The following LMF1 variants were observed in gnomAD, a reference collection of about 807,000 sequenced individuals.
LMF1 encodes transmembrane protein 112.
LMF1 carries 68 observed loss-of-function variants against 60.6 expected under a neutral mutation model. The observed-to-expected ratio is 1.12, with a 90% CI of 0.92 to 1.37. The LOEUF (loss-of-function observed/expected upper bound fraction) is 1.37. Among genes scored for constraint, LMF1 ranks in the 40% most tolerant of loss-of-function variants. The pLI, the probability that LMF1 is intolerant of heterozygous loss-of-function variation, is 0.00. For missense variants in LMF1, 948 were observed against 767.2 expected, an observed-to-expected ratio of 1.24 and a Z score of -2.78; for synonymous variants, 418 against 324.7, an observed-to-expected ratio of 1.29 and a Z score of -3.09.
In LMF1 at chr16:954,415, G is replaced by A. The variant is rs755942630; in HGVS notation, c.445C>T (p.Leu149Phe). 4 of 1,613,092 alleles carry A rather than the reference G, an allele frequency of 2.5e-6. No homozygotes were observed. The highest frequency in any genetic ancestry group is 1.3e-5 in the African/African-American group (1 of 75,044). Residue 149 changes from leucine to phenylalanine, a missense_variant, in exon 2 of 11, where the codon CTT becomes TTT. Transcript: ENST00000262301. ...FVLITGCANMLLMAALWGLYM... is the reference protein window; with the variant it reads ...FVLITGCANMFLMAALWGLYM... ...AGGCCCCACAGGGCAGCCATGAGAA[G>A]CATGTTGGCGCAGCCCGTGATCAGT...
chr16:868,011 T>C (rs1045599421), intron 10 of LMF1, among the ~76,000 whole-genome samples: 1 of 152,078 alleles, frequency 6.6e-6, no homozygotes, highest in Non-Finnish European at 1.5e-5. Flanking sequence ...AATCCAGAGC[T>C]GTGTTTTCCG....
intron 6 of LMF1, among the ~76,000 whole-genome samples, chr16:876,145 AAC>A (rs1456215651): frequency 6.6e-6 from 1 of 152,228 alleles, no homozygotes; most frequent in African/African-American, 2.4e-5. Context: ...TGAGTGGAGA[AAC>A]AAACCGGGGC....
chr16:874,108 G>A lies in LMF1; in HGVS notation c.898-2767C>T, dbSNP rs946239135. On this transcript the variant is annotated intron_variant, in intron 6 of 10. Coordinates refer to ENST00000262301, the MANE Select transcript of LMF1 (RefSeq NM_022773.4). The surrounding 1 kb of genome is among the most constrained non-coding windows in gnomAD (Gnocchi z 4.1). ...GGAAGTTCTGGAACCAGGCGGAGGC[G>A]GCGGTTGCATCACGCTGTGAACGTG... 4.6e-5 allele frequency among the ~76,000 whole-genome samples: 7 copies of A among 152,198 alleles called. No homozygotes were observed. Among genetic ancestry groups the A allele is most frequent in the East Asian group, 1.9e-4 (1 of 5,194 alleles).
chr16:890,957 T>C (rs1286098044), intron 5 of LMF1, among the ~76,000 whole-genome samples: 1 of 152,156 alleles, frequency 6.6e-6, no homozygotes, highest in Non-Finnish European at 1.5e-5. Context: ...GCCCACCCTG[T>C]CCACCGTCTC....
At chr16:948,104 AGT>A (rs2072294710) in intron 2 of LMF1, among the ~76,000 whole-genome samples, 6 of 151,820 alleles carry the variant, frequency 4.0e-5, no homozygotes, top group South Asian at 2.1e-4. Context: ...CCAACGACAG[AGT>A]CAGCCAACGA....
At chr16:903,990 G>A (rs372229777) in intron 4 of LMF1, 7 of 173,758 alleles carry the variant, frequency 4.0e-5, no homozygotes, top group African/African-American at 2.3e-4. Flanking sequence ...CCCACAGGAC[G>A]CCTGTCTCTG....
At chr16:890,629 C>T (rs1393985517) in intron 5 of LMF1, among the ~76,000 whole-genome samples, 1 of 152,228 alleles carries the variant, frequency 6.6e-6, no homozygotes, top group Non-Finnish European at 1.5e-5. Flanking sequence ...AGCCACAATC[C>T]AACCTCCCAG....
intron 10 of LMF1, among the ~76,000 whole-genome samples, chr16:859,218 G>A (rs1253866860): frequency 2.3e-5 from 3 of 132,178 alleles, no homozygotes; most frequent in Non-Finnish European, 4.6e-5. Context: ...CTCGGGACGG[G>A]TGTGCAGTGG....
intron 1 of LMF1, among the ~76,000 whole-genome samples, chr16:965,621 G>A (rs2072907963): frequency 6.6e-6 from 1 of 152,288 alleles, no homozygotes; most frequent in South Asian, 2.1e-4. Flanking sequence ...AGAGATCCGG[G>A]CAAGTTGGTC....
chr16:871,194 C>T lies in LMF1; in HGVS notation c.1045G>A (p.Asp349Asn), dbSNP rs377670067. The change falls in exon 7 of 11, where the codon GAC becomes AAC. Residue 349 changes from aspartate (D) to asparagine (N), a missense_variant. Transcript: ENST00000262301. The stretch of plus-strand genomic sequence containing the variant: ...GGCTCGGGCCGGGCCCCTCGGATGT[C>T]CCTCTGCATCTGCAGAACTCGGTCC... ...LKDRVLQMQR[D>N]IRGARPEPRF... The T allele has an allele frequency of 3.1e-6, 5 of 1,609,398 alleles. No individual in the cohort carries two copies. In the Admixed American group the frequency reaches 6.7e-5, roughly 22 times the overall value.
intron 10 of LMF1, among the ~76,000 whole-genome samples, chr16:860,072 G>GTC (rs2069410851): frequency 6.6e-6 from 1 of 152,116 alleles, no homozygotes; most frequent in African/African-American, 2.4e-5. Flanking sequence ...AAACGTCTCT[G>GTC]TGCTCATTTT....
At chr16:916,471 G>A (rs2071281168) in intron 3 of LMF1, among the ~76,000 whole-genome samples, 1 of 152,218 alleles carries the variant, frequency 6.6e-6, no homozygotes, top group Non-Finnish European at 1.5e-5. Context: ...AAGCTGAAAA[G>A]TTATGAAATA....
At chr16:918,443 G>C (rs574149242) in intron 3 of LMF1, among the ~76,000 whole-genome samples, 1 of 152,234 alleles carries the variant, frequency 6.6e-6, no homozygotes, top group Non-Finnish European at 1.5e-5. Context: ...ACGGAAATTA[G>C]ACTTCGCGGC....
In LMF1 at chr16:970,869, C is replaced by A; in HGVS notation, c.112G>T (p.Ala38Ser). The A allele has an allele frequency of 6.4e-7, 1 of 1,565,288 alleles. No individual in the cohort carries two copies. Among genetic ancestry groups the A allele is most frequent in the Non-Finnish European group, 8.6e-7 (1 of 1,157,454 alleles). Reference protein sequence around the residue: ...ESPPAPGRGPAGSPAHLHTGT... With the variant: ...ESPPAPGRGPSGSPAHLHTGT... ...GTGTGGAGATGGGCCGGAGAGCCTG[C>A]GGGGCCACGCCCCGGCGCGGGCGGC... is the stretch of plus-strand genomic sequence containing the variant. Residue 38 changes from alanine (A) to serine (S), a missense_variant, in exon 1 of 11, where the codon GCA becomes TCA. Physicochemically the swap from Ala to Ser is moderately conservative, Grantham distance 99. Coordinates refer to ENST00000262301, the MANE Select transcript of LMF1 (RefSeq NM_022773.4).
In LMF1 at chr16:874,869, C is replaced by T. The variant is rs113698558; in HGVS notation, c.898-3528G>A. Among the ~76,000 whole-genome samples, 2,198 of 152,180 alleles carry T rather than the reference C, an allele frequency of 0.014. 48 individuals carry two copies. Among genetic ancestry groups the T allele is most frequent in the African/African-American group, 0.049 (2,052 of 41,466 alleles). ...GCCAGGACACTACAATGTTAGAGGGCGCGGGTCACTCTCAGCCCCACACCA... is the reference window on the plus strand; with the variant it reads ...GCCAGGACACTACAATGTTAGAGGGTGCGGGTCACTCTCAGCCCCACACCA... On this transcript the variant is annotated intron_variant, in intron 6 of 10. Coordinates refer to ENST00000262301, the MANE Select transcript of LMF1 (RefSeq NM_022773.4). This position sits in a 1 kb window ranked among gnomAD's most constrained non-coding sequence, Gnocchi z 4.1.
At chr16:867,118 C>CG (rs761159415) in intron 10 of LMF1, among the ~76,000 whole-genome samples, 18 of 152,192 alleles carry the variant, frequency 1.2e-4, no homozygotes, top group Middle Eastern at 3.2e-3. Flanking sequence ...AGCTGCCAAA[C>CG]ATGTGTATCA....
chr16:952,301 A>G (rs992014752), intron 2 of LMF1, among the ~76,000 whole-genome samples: 3 of 125,800 alleles, frequency 2.4e-5, no homozygotes, highest in African/African-American at 1.1e-4. Context: ...ACAGCCACAA[A>G]GTGGGGACCC....
rs1000996655 is a variant in LMF1 at position 951,355 on chromosome 16, G to A, written c.503+3002C>T. On this transcript the variant is annotated intron_variant, in intron 2 of 10. Coordinates refer to ENST00000262301, the MANE Select transcript of LMF1 (RefSeq NM_022773.4). ...AAAGTCAGAGACAACGACAGAGTCAGAGCCAACGATGGAGTCAGAGCCAAT... is the reference window on the plus strand; with the variant it reads ...AAAGTCAGAGACAACGACAGAGTCAAAGCCAACGATGGAGTCAGAGCCAAT... 3.3e-5 allele frequency among the ~76,000 whole-genome samples: 5 copies of A among 152,172 alleles called. No homozygotes were observed. In the South Asian group the frequency reaches 1.0e-3, roughly 32 times the overall value.
At chr16:861,394 G>A (rs923823079) in intron 10 of LMF1, among the ~76,000 whole-genome samples, 1 of 116,774 alleles carries the variant, frequency 8.6e-6, no homozygotes, top group African/African-American at 3.3e-5. Context: ...GTTTCACTCT[G>A]TCGCCCAGGC....
Sources: allele counts gnomAD v4.1 joint callset (sites outside exome capture counted in the v4.1 genomes callset), GRCh38; gene constraint gnomAD v4.1.1; non-coding constraint Gnocchi (gnomAD v3.1); transcripts MANE v1.5; gene names NCBI Gene and HGNC (gene_info 2026-07-23, HGNC 2026-07-21).